The following NTN1 variants were observed in gnomAD, a reference collection of about 807,000 sequenced individuals.
The protein encoded by NTN1 is netrin-1.
A neutral mutation model predicts 54.2 loss-of-function variants in NTN1; 11 were observed. The observed-to-expected ratio is 0.20, with a 90% CI of 0.13 to 0.34. The LOEUF (loss-of-function observed/expected upper bound fraction) is 0.34, where lower values mean the gene tolerates loss of function less well. NTN1 is among the 10% of genes least tolerant of loss of function. The pLI is 1.00. For missense variants in NTN1, 740 were observed against 893.1 expected, an observed-to-expected ratio of 0.83 and a Z score of 2.18; for synonymous variants, 371 against 382.0, an observed-to-expected ratio of 0.97 and a Z score of 0.33.
At chr17:9,086,855 T>C (rs1431105966) in intron 2 of NTN1, among the ~76,000 whole-genome samples, 1 of 152,074 alleles carries the variant, frequency 6.6e-6, no homozygotes, top group Non-Finnish European at 1.5e-5. Context: ...ATTGTCACCA[T>C]CATCATCACT....
chr17:9,006,635 G>A, the NTN1 span, among the ~76,000 whole-genome samples: 16 of 152,222 alleles, frequency 1.1e-4, no homozygotes, highest in Admixed American at 7.9e-4. Flanking sequence ...TGTGGAAGAA[G>A]AATTGATGGG....
intron 2 of NTN1, among the ~76,000 whole-genome samples, chr17:9,025,549 A>C (rs2091867366): frequency 6.6e-6 from 1 of 152,242 alleles, no homozygotes. Context: ...AAATCTTGCC[A>C]ATTATTCAGT....
the NTN1 span, among the ~76,000 whole-genome samples, chr17:9,016,347 A>G: frequency 7.3e-6 from 1 of 137,220 alleles, no homozygotes; most frequent in African/African-American, 2.7e-5. Flanking sequence ...CTCACAGCAG[A>G]AGTCCCCCTC....
intron 2 of NTN1, among the ~76,000 whole-genome samples, chr17:9,035,281 A>G (rs1220438412): frequency 6.6e-6 from 1 of 152,184 alleles, no homozygotes; most frequent in Admixed American, 6.5e-5. Flanking sequence ...TATAAATGGA[A>G]TCATATTCTG....
chr17:9,053,339 C>T (rs984900396), intron 2 of NTN1, among the ~76,000 whole-genome samples: 1 of 152,346 alleles, frequency 6.6e-6, no homozygotes, highest in South Asian at 2.1e-4. Flanking sequence ...GGAATTAGCC[C>T]TTCCTGTTGC....
chr17:9,150,291 G>A (rs999983462), intron 2 of NTN1, among the ~76,000 whole-genome samples: 2 of 152,212 alleles, frequency 1.3e-5, no homozygotes, highest in Non-Finnish European at 2.9e-5. Context: ...TGTCCTGAAA[G>A]GCAAGAAAGT....
intron 5 of NTN1, among the ~76,000 whole-genome samples, chr17:9,198,698 C>T (rs1904702671): frequency 6.6e-6 from 1 of 152,198 alleles, no homozygotes. Flanking sequence ...CACATCTCTT[C>T]TCTAGAAGAC....
At chr17:9,196,199 G>A (rs1048033308) in intron 5 of NTN1, among the ~76,000 whole-genome samples, 1 of 152,216 alleles carries the variant, frequency 6.6e-6, no homozygotes, top group African/African-American at 2.4e-5. Flanking sequence ...CGGGCAATGG[G>A]GGGCTGCCTG....
chr17:9,089,952 C>T (rs187892560), intron 2 of NTN1, among the ~76,000 whole-genome samples: 115 of 152,142 alleles, frequency 7.6e-4, no homozygotes, highest in Admixed American at 1.1e-3. Context: ...AAAATTATCA[C>T]TGCTCCCTTC....
chr17:9,191,168 ATAAT>A (rs1904444844), intron 5 of NTN1, among the ~76,000 whole-genome samples: 1 of 152,134 alleles, frequency 6.6e-6, no homozygotes, highest in African/African-American at 2.4e-5. Context: ...TTTTGAATAA[ATAAT>A]AAGCGGAGCC....
At chr17:9,035,966 G>A (rs977319871) in intron 2 of NTN1, among the ~76,000 whole-genome samples, 11 of 152,202 alleles carry the variant, frequency 7.2e-5, no homozygotes, top group African/African-American at 2.2e-4. Flanking sequence ...AGGTTGCAGT[G>A]AGCCAAGATG....
chr17:9,112,537 C>T (rs1019774718), intron 2 of NTN1, among the ~76,000 whole-genome samples: 9 of 152,068 alleles, frequency 5.9e-5, no homozygotes, highest in African/African-American at 2.2e-4. Flanking sequence ...GGTGATTTTG[C>T]TGTTTAAAAT....
At chr17:9,133,278 C>T (rs374727889) in intron 2 of NTN1, among the ~76,000 whole-genome samples, 24 of 152,194 alleles carry the variant, frequency 1.6e-4, no homozygotes, top group African/African-American at 5.6e-4. Context: ...TCCAGGCTTC[C>T]GGAGAGGTAG....
chr17:9,141,298 G>C (rs7213264), intron 2 of NTN1, among the ~76,000 whole-genome samples: 2,587 of 151,956 alleles, frequency 0.017, 71 homozygotes, highest in African/African-American at 0.054. Context: ...TTAATGAGGG[G>C]GGGGAGAAGG....
chr17:9,183,490 G>A (rs141743099), intron 5 of NTN1: 193 of 376,740 alleles, frequency 5.1e-4, no homozygotes, highest in African/African-American at 3.7e-3. Flanking sequence ...GCAGCATGCG[G>A]CCAAGCCTGC....
At chr17:9,145,642 C>A (rs376624279) in intron 2 of NTN1, among the ~76,000 whole-genome samples, 11 of 152,202 alleles carry the variant, frequency 7.2e-5, no homozygotes, top group African/African-American at 2.7e-4. Context: ...GTTGGCCAGG[C>A]ACGGTGGCTC....
At chr17:9,131,122 ACTC>A (rs975970231) in intron 2 of NTN1, among the ~76,000 whole-genome samples, 22 of 151,266 alleles carry the variant, frequency 1.5e-4, no homozygotes, top group African/African-American at 5.1e-4. Flanking sequence ...CAAGCATGCT[ACTC>A]CTCCCTGTGT....
chr17:9,155,515 T>C (rs553780432), intron 2 of NTN1, among the ~76,000 whole-genome samples: 47 of 152,172 alleles, frequency 3.1e-4, no homozygotes, highest in Middle Eastern at 6.8e-3. Flanking sequence ...TAATTTTGTA[T>C]TTTTTAGTAG....
intron 2 of NTN1, among the ~76,000 whole-genome samples, chr17:9,125,483 C>T (rs1050184589): frequency 6.6e-6 from 1 of 152,164 alleles, no homozygotes; most frequent in Non-Finnish European, 1.5e-5. Flanking sequence ...CTTCCTAGGC[C>T]TCCCAAAGTG....
Sources: allele counts gnomAD v4.1 joint callset (sites outside exome capture counted in the v4.1 genomes callset), GRCh38; gene constraint gnomAD v4.1.1; transcripts MANE v1.5; gene names NCBI Gene and HGNC (gene_info 2026-07-23, HGNC 2026-07-21).